MAP4K4: variants seen among roughly 807,000 people sequenced by gnomAD.
MAP4K4 encodes mitogen-activated protein kinase kinase kinase kinase 4.
In MAP4K4, 38 loss-of-function variants were observed where a neutral mutation model predicts 189.6. The observed-to-expected ratio is 0.20, with a 90% CI of 0.15 to 0.26. The LOEUF (loss-of-function observed/expected upper bound fraction) is 0.26. Among genes scored for constraint, MAP4K4 ranks in the 10% least tolerant of loss-of-function variants. MAP4K4 has a pLI of 1.00. For missense variants in MAP4K4, 1,054 were observed against 1,726.9 expected (o/e 0.61, Z 6.91); for synonymous variants, 610 against 624.3 (o/e 0.98, Z 0.34).
chr2:101,754,010 G>A (rs923108384), intron 2 of MAP4K4, among the ~76,000 whole-genome samples: 4 of 152,096 alleles, frequency 2.6e-5, no homozygotes, highest in South Asian at 2.1e-4. Context: ...AAGAGAAGGG[G>A]ATGATTGACA....
At chr2:101,872,994 A>G (rs1255068627) in intron 24 of MAP4K4, among the ~76,000 whole-genome samples, 1 of 152,138 alleles carries the variant, frequency 6.6e-6, no homozygotes, top group Non-Finnish European at 1.5e-5. Context: ...CCACTTAACA[A>G]TTTGTTTCAC....
intron 2 of MAP4K4, among the ~76,000 whole-genome samples, chr2:101,755,982 C>T (rs1382940957): frequency 2.1e-5 from 3 of 141,300 alleles, no homozygotes; most frequent in African/African-American, 5.6e-5. Context: ...GCCCTGTCGC[C>T]CAGGCTGGAG....
At chr2:101,890,910 G>A (rs1405299449) in intron 32 of MAP4K4, among the ~76,000 whole-genome samples, 2 of 152,066 alleles carry the variant, frequency 1.3e-5, no homozygotes, top group Admixed American at 6.5e-5. Flanking sequence ...ACAGGTGTGT[G>A]CCACCACATG....
At chr2:101,863,535 G>GA (rs963752462) in intron 16 of MAP4K4, among the ~76,000 whole-genome samples, 13 of 149,608 alleles carry the variant, frequency 8.7e-5, no homozygotes, top group African/African-American at 2.4e-4. Context: ...TCTTTGTGGG[G>GA]AAAAAAAAAA....
chr2:101,767,895 CT>C (rs1018021121), intron 2 of MAP4K4, among the ~76,000 whole-genome samples: 31 of 152,296 alleles, frequency 2.0e-4, no homozygotes, highest in Non-Finnish European at 1.3e-4. Flanking sequence ...TGTTTCTCCC[CT>C]CACCCCCCCT....
intron 2 of MAP4K4, among the ~76,000 whole-genome samples, chr2:101,701,593 A>G (rs2038808458): frequency 6.6e-6 from 1 of 152,190 alleles, no homozygotes; most frequent in Non-Finnish European, 1.5e-5. Flanking sequence ...ACAGTGGTAA[A>G]TGGTCTGGTA....
intron 2 of MAP4K4, among the ~76,000 whole-genome samples, chr2:101,782,797 G>A (rs768848606): frequency 3.3e-5 from 5 of 152,146 alleles, no homozygotes; most frequent in Non-Finnish European, 7.3e-5. Flanking sequence ...ATCTTAGATG[G>A]CTCCTGGAGA....
intron 3 of MAP4K4, among the ~76,000 whole-genome samples, chr2:101,817,482 A>G (rs1364418584): frequency 6.6e-6 from 1 of 152,150 alleles, no homozygotes; most frequent in Non-Finnish European, 1.5e-5. Context: ...CACCATCTGA[A>G]GTCCTCCCCA....
At chr2:101,854,949 C>G (rs917443795) in intron 12 of MAP4K4, among the ~76,000 whole-genome samples, 1 of 152,148 alleles carries the variant, frequency 6.6e-6, no homozygotes, top group Non-Finnish European at 1.5e-5. Context: ...TTCATTCATG[C>G]TAGCTATATT....
At chr2:101,792,881 G>T (rs1036767424) in intron 3 of MAP4K4, among the ~76,000 whole-genome samples, 8 of 152,078 alleles carry the variant, frequency 5.3e-5, no homozygotes, top group African/African-American at 1.9e-4. Flanking sequence ...CAATTCACCC[G>T]CCTCAGCCTC....
chr2:101,829,376 C>T (rs540859984), intron 5 of MAP4K4, 128 bp from the exon 6 acceptor site: 77 of 623,580 alleles, frequency 1.2e-4, no homozygotes, highest in South Asian at 3.5e-4. Context: ...TGCACTAAGA[C>T]GAAGTTAATG....
At chr2:101,756,367 A>G (rs958659452) in intron 2 of MAP4K4, among the ~76,000 whole-genome samples, 3 of 152,116 alleles carry the variant, frequency 2.0e-5, no homozygotes, top group African/African-American at 7.2e-5. Context: ...AGCTGAGTAG[A>G]TGCCATCTAC....
chr2:101,776,864 AC>A (rs2084461267), intron 2 of MAP4K4, among the ~76,000 whole-genome samples: 1 of 152,124 alleles, frequency 6.6e-6, no homozygotes, highest in African/African-American at 2.4e-5. Context: ...AACCCAAATA[AC>A]CACATACCAA....
chr2:101,710,170 G>A (rs112974467), intron 2 of MAP4K4, among the ~76,000 whole-genome samples: 13 of 152,288 alleles, frequency 8.5e-5, no homozygotes, highest in African/African-American at 2.2e-4. Flanking sequence ...TGGAGATCCC[G>A]GTTGAATATT....
chr2:101,846,306 T>A (rs563732566), intron 12 of MAP4K4, among the ~76,000 whole-genome samples: 1 of 152,266 alleles, frequency 6.6e-6, no homozygotes, highest in South Asian at 2.1e-4. Flanking sequence ...AATGCTTGAG[T>A]TTTGAGACTC....
exon 18 of MAP4K4, chr2:101,865,029 T>G: frequency 6.4e-7 from 1 of 1,560,234 alleles, no homozygotes; most frequent in Non-Finnish European, 8.7e-7. Context: ...ACAGAGAAAC[T>G]CCACCAGGTA....
chr2:101,717,757 T>C lies in MAP4K4; in HGVS notation c.123+19219T>C, dbSNP rs556990578. ...TGTGCTAAGCTCAATGAGGACTCAT[T>C]AGCCTTGGATAATGTGATTCTATAA... On this transcript the variant is annotated intron_variant, in intron 2 of 32. Coordinates refer to ENST00000324219, the Ensembl canonical transcript of MAP4K4. 2.0e-5 allele frequency among the ~76,000 whole-genome samples: 3 copies of C among 152,282 alleles called. No individual in the cohort carries two copies. In the East Asian group the frequency reaches 5.8e-4, roughly 29 times the overall value.
chr2:101,734,707 C>A (rs1453343997), intron 2 of MAP4K4, among the ~76,000 whole-genome samples: 1 of 152,160 alleles, frequency 6.6e-6, no homozygotes, highest in Admixed American at 6.5e-5. Flanking sequence ...GTGAGCCAAT[C>A]CTTTTTGCCT....
intron 3 of MAP4K4, among the ~76,000 whole-genome samples, chr2:101,815,076 C>A (rs565891412): frequency 2.4e-4 from 37 of 152,276 alleles, no homozygotes; most frequent in South Asian, 2.1e-3. Flanking sequence ...AACACATAAA[C>A]CAATAAGTTG....
Sources: gnomAD v4.1 joint callset for allele counts (sites outside exome capture counted in the v4.1 genomes callset) on GRCh38, gnomAD v4.1.1 for gene constraint, MANE v1.5 for transcripts, NCBI Gene and HGNC (gene_info 2026-07-23, HGNC 2026-07-21) for gene names.